The following RANBP2 variants were observed in gnomAD, a reference collection of about 807,000 sequenced individuals.
The protein encoded by RANBP2 is RAN binding protein 2.
Under a neutral mutation model 303.6 loss-of-function variants are expected in RANBP2, and 57 were observed. The ratio of observed to expected loss-of-function variants is 0.19; its 90% confidence interval spans 0.15 to 0.23. The LOEUF (loss-of-function observed/expected upper bound fraction) is 0.23. Among genes scored for constraint, RANBP2 ranks in the 10% least tolerant of loss-of-function variants. RANBP2 has a pLI of 1.00. For missense variants in RANBP2, 3,138 were observed against 3,780.8 expected, an observed-to-expected ratio of 0.83 and a Z score of 4.46; for synonymous variants, 1,167 against 1,301.5, an observed-to-expected ratio of 0.90 and a Z score of 2.23.
the RANBP2 span, among the ~76,000 whole-genome samples, chr2:109,273,527 T>A: frequency 1.6e-4 from 24 of 152,306 alleles, no homozygotes; most frequent in East Asian, 4.6e-3. Context: ...CAGACCCCAC[T>A]CACTGGGCAC....
At chr2:109,637,244 C>T in the RANBP2 span, among the ~76,000 whole-genome samples, 348 of 152,334 alleles carry the variant, frequency 2.3e-3, 1 homozygote, top group South Asian at 0.022. Flanking sequence ...AAACATGTCT[C>T]GCCTCCCACC....
the RANBP2 span, among the ~76,000 whole-genome samples, chr2:109,173,552 C>CT: frequency 7.2e-5 from 11 of 152,194 alleles, no homozygotes; most frequent in Non-Finnish European, 1.5e-4. Context: ...CAACAGAGCT[C>CT]TAACAGCAGA....
chr2:109,608,260 T>C, the RANBP2 span, among the ~76,000 whole-genome samples: 1 of 152,238 alleles, frequency 6.6e-6, no homozygotes, highest in Non-Finnish European at 1.5e-5. Flanking sequence ...CATGAGAGAC[T>C]GGGATACAGT....
At chr2:109,722,847 T>A in the RANBP2 span, among the ~76,000 whole-genome samples, 1 of 152,236 alleles carries the variant, frequency 6.6e-6, no homozygotes, top group Non-Finnish European at 1.5e-5. Flanking sequence ...CTCCATGGTG[T>A]ATATGTACCA....
chr2:108,997,179 C>T, the RANBP2 span, among the ~76,000 whole-genome samples: 12 of 152,252 alleles, frequency 7.9e-5, no homozygotes, highest in East Asian at 3.9e-4. Context: ...CAGTGGCTCA[C>T]GCCTGTAATC....
chr2:109,511,122 C>T, the RANBP2 span, among the ~76,000 whole-genome samples: 12 of 152,156 alleles, frequency 7.9e-5, no homozygotes, highest in East Asian at 1.9e-4. Flanking sequence ...CAAAGAGGTG[C>T]GGCACCTAGG....
the RANBP2 span, among the ~76,000 whole-genome samples, chr2:109,133,287 C>T: frequency 1.3e-5 from 2 of 152,184 alleles, no homozygotes; most frequent in Non-Finnish European, 2.9e-5. Context: ...TATTTTGTAT[C>T]TTGAGGTACA....
the RANBP2 span, among the ~76,000 whole-genome samples, chr2:109,123,344 TTCC>T: frequency 6.8e-6 from 1 of 146,498 alleles, no homozygotes; most frequent in Non-Finnish European, 1.5e-5. Flanking sequence ...CCTTCCTTCC[TTCC>T]TTCCTTCCTT....
chr2:109,379,890 A>G, the RANBP2 span, among the ~76,000 whole-genome samples: 10 of 152,178 alleles, frequency 6.6e-5, no homozygotes, highest in African/African-American at 2.2e-4. Flanking sequence ...TGTTGTGTCT[A>G]TGTCTGAACA....
the RANBP2 span, among the ~76,000 whole-genome samples, chr2:109,467,825 G>A: frequency 3.9e-5 from 6 of 152,162 alleles, no homozygotes; most frequent in African/African-American, 9.7e-5. Flanking sequence ...GGCTGCACAC[G>A]CAGAGGAACA....
the RANBP2 span, among the ~76,000 whole-genome samples, chr2:109,447,615 G>C: frequency 6.4e-3 from 978 of 152,184 alleles, 10 homozygotes; most frequent in African/African-American, 0.022. Context: ...GCTCAGCCCA[G>C]GTCTCCACTT....
In RANBP2 at chr2:108,777,178, C is replaced by T. The variant is rs749268298; in HGVS notation, c.8546C>T (p.Ser2849Leu). The change falls in exon 25 of 29, where the codon TCA (serine) becomes TTA (leucine). Residue 2849 changes from serine (S) to leucine (L), a missense_variant. Physicochemically the swap from Ser to Leu is moderately radical, Grantham distance 145 (BLOSUM62 -2). Around this residue, in one of 20 missense-constraint regions of RANBP2, gnomAD observed 497 missense variants for 465.8 expected, o/e 1.07. Coordinates refer to ENST00000283195, the MANE Select transcript of RANBP2 (RefSeq NM_006267.5). ...SFGFGSSTGL[S>L]FADLASSNSG... ...GGATTTGGAAGTAGCACAGGGCTCT[C>T]ATTTGCAGACTTGGCTTCCAGTAAT... 1 of 1,613,554 alleles carries T rather than the reference C, an allele frequency of 6.2e-7. No individual in the cohort carries two copies. The highest frequency in any genetic ancestry group is 8.5e-7 in the Non-Finnish European group (1 of 1,179,606).
the RANBP2 span, chr2:109,436,875 T>C: frequency 6.2e-7 from 1 of 1,610,140 alleles, no homozygotes; most frequent in Middle Eastern, 1.7e-4. Context: ...CAGAATTCCT[T>C]CTGCTTTCTC....
chr2:109,514,064 G>A, the RANBP2 span, among the ~76,000 whole-genome samples: 1 of 152,158 alleles, frequency 6.6e-6, no homozygotes, highest in African/African-American at 2.4e-5. Context: ...GCCTTAATGT[G>A]GGCATGTTCC....
the RANBP2 span, among the ~76,000 whole-genome samples, chr2:109,186,219 T>C: frequency 6.6e-6 from 1 of 152,248 alleles, no homozygotes; most frequent in Non-Finnish European, 1.5e-5. Flanking sequence ...GAAGACGAAG[T>C]GAACTGGAGT....
the RANBP2 span, among the ~76,000 whole-genome samples, chr2:108,999,658 C>T: frequency 2.0e-5 from 3 of 152,204 alleles, no homozygotes; most frequent in Non-Finnish European, 4.4e-5. Flanking sequence ...GTGTTATGTA[C>T]ACTTTTCGGT....
the RANBP2 span, among the ~76,000 whole-genome samples, chr2:108,955,548 G>C: frequency 6.6e-6 from 1 of 151,400 alleles, no homozygotes; most frequent in Non-Finnish European, 1.5e-5. Flanking sequence ...AGGGGTTTGA[G>C]ACCTGCCTGG....
At chr2:109,255,935 G>A in the RANBP2 span, among the ~76,000 whole-genome samples, 1 of 152,230 alleles carries the variant, frequency 6.6e-6, no homozygotes, top group Admixed American at 6.5e-5. Flanking sequence ...GGAAGGGGAA[G>A]AGGAAGTGTT....
At chr2:108,760,973 A>AT (rs1210497903) in intron 18 of RANBP2, among the ~76,000 whole-genome samples, 1 of 151,838 alleles carries the variant, frequency 6.6e-6, no homozygotes, top group Non-Finnish European at 1.5e-5. Context: ...CTTGAGGCCT[A>AT]TTAACATTTC....
Sources: allele counts gnomAD v4.1 joint callset (sites outside exome capture counted in the v4.1 genomes callset), GRCh38; gene constraint gnomAD v4.1.1; regional missense constraint gnomAD v4.1.1; transcripts MANE v1.5; gene names NCBI Gene and HGNC (gene_info 2026-07-23, HGNC 2026-07-21).